MRPL52: variants seen among roughly 807,000 people sequenced by gnomAD.
MRPL52 encodes the protein large ribosomal subunit protein mL52.
In MRPL52, 19 loss-of-function variants were observed where a neutral mutation model predicts 22.1. The ratio of observed to expected loss-of-function variants is 0.86; its 90% CI spans 0.60 to 1.26. The LOEUF (loss-of-function observed/expected upper bound fraction) is 1.26. Among genes scored for constraint, MRPL52 ranks in the 50% most tolerant of loss-of-function variants. The pLI is 0.00. For synonymous variants in MRPL52, 50 were observed against 57.5 expected (o/e 0.87, Z 0.59); for missense variants, 152 against 148.1 (o/e 1.03, Z -0.14).
Position 22,834,919 on chromosome 14 carries a change from GA to G in MRPL52, c.*600del, listed in dbSNP as rs1050828746. ...CAACTATGAGAAATAGCTGTTCTGT[GA>G]ACGTGAAAAGGGGACAGCAGTTTTC... On this transcript the variant is annotated 3_prime_UTR_variant, in exon 5 of 5. Coordinates refer to ENST00000397496, the MANE Select transcript of MRPL52 (RefSeq NM_180982.3). 1 of 152,224 alleles carries G rather than the reference GA, an allele frequency of 6.6e-6. No homozygotes were observed. The highest frequency in any genetic ancestry group is 2.4e-5 in the African/African-American group (1 of 41,434). 9.4% of individuals were successfully genotyped at this position (152,224 alleles called of 1,614,324 possible).
chr14:22,834,395 A>G lies in MRPL52; in HGVS notation c.*74A>G. 1 of 1,482,800 alleles carries G rather than the reference A, an allele frequency of 6.7e-7. No homozygotes were observed. The highest frequency in any genetic ancestry group is 1.4e-5 in the African/African-American group (1 of 70,706). 91.9% of individuals were successfully genotyped at this position (1,482,800 alleles called of 1,614,324 possible). On this transcript the variant is annotated 3_prime_UTR_variant, in exon 5 of 5. Coordinates refer to ENST00000397496, the MANE Select transcript of MRPL52 (RefSeq NM_180982.3). ...TATCACCTAGATGCTTCATCCAGCCAGAAGATAGCCTTCACGTTCCCCATC... is the reference window on the plus strand; with the variant it reads ...TATCACCTAGATGCTTCATCCAGCCGGAAGATAGCCTTCACGTTCCCCATC...
intron 3 of MRPL52, chr14:22,831,070 G>T: frequency 1.3e-6 from 1 of 765,676 alleles, no homozygotes; most frequent in South Asian, 1.5e-5. Context: ...GTAGTAGTAT[G>T]GACTATTGGA....
intron 3 of MRPL52, chr14:22,830,739 G>T: frequency 2.1e-6 from 1 of 465,822 alleles, no homozygotes; most frequent in East Asian, 3.6e-5. Flanking sequence ...AGAGAGGGAG[G>T]GAGAATAAAT....
intron 3 of MRPL52, among the ~76,000 whole-genome samples, chr14:22,832,482 A>G (rs2039643268): frequency 6.6e-6 from 1 of 151,930 alleles, no homozygotes; most frequent in Non-Finnish European, 1.5e-5. Context: ...TTGAGACTAC[A>G]GGCGCCCACC....
At chr14:22,832,618 G>T (rs111869888) in intron 3 of MRPL52, among the ~76,000 whole-genome samples, 16,560 of 152,110 alleles carry the variant, frequency 0.11, 1,013 homozygotes, top group East Asian at 0.21. Flanking sequence ...GGGATCACAG[G>T]TGTGAGCCAC....
At chr14:22,834,089 CCT>C in intron 4 of MRPL52, 81 bp from the exon 5 acceptor site, 1 of 1,467,248 alleles carries the variant, frequency 6.8e-7, no homozygotes, top group Admixed American at 2.2e-5. Flanking sequence ...CCAGATGAAA[CCT>C]CTGAATTTGT....
intron 4 of MRPL52, 24 bp from the exon 5 acceptor site, chr14:22,834,148 A>G (rs756839477): frequency 6.2e-7 from 1 of 1,612,374 alleles, no homozygotes; most frequent in Non-Finnish European, 8.5e-7. Flanking sequence ...GATGTTATCC[A>G]CACTGTTTTC....
chr14:22,830,027 C>G, intron 1 of MRPL52, 26 bp from the exon 2 acceptor site: 1 of 1,613,916 alleles, frequency 6.2e-7, no homozygotes, highest in Non-Finnish European at 8.5e-7. Context: ...GGCCTCTCCC[C>G]CAACTCTGCT....
chr14:22,830,087 G>C lies in MRPL52; in HGVS notation c.63G>C (p.Trp21Cys). ...GGCTGCACTGCAGCGTAGCCGCTTGGGCGGGCGGCCAGTGGCGACTACAGT... is the reference window on the plus strand; with the variant it reads ...GGCTGCACTGCAGCGTAGCCGCTTGCGCGGGCGGCCAGTGGCGACTACAGT... ...VRRLHCSVAA[W>C]AGGQWRLQQG... is the part of the protein sequence containing the mutation. The change falls in exon 2 of 5, where the codon TGG becomes TGC. Residue 21 changes from tryptophan (W) to cysteine (C), a missense_variant. Physicochemically the swap from Trp to Cys is radical, Grantham distance 215. Transcript: ENST00000397496. The C allele has an allele frequency of 6.2e-7, 1 of 1,613,972 alleles. No individual in the cohort carries two copies. The highest frequency in any genetic ancestry group is 8.5e-7 in the Non-Finnish European group (1 of 1,179,816).
intron 3 of MRPL52, chr14:22,831,059 T>G (rs2039599682): frequency 1.4e-6 from 2 of 1,387,810 alleles, no homozygotes; most frequent in Admixed American, 2.0e-5. Flanking sequence ...GGCATCTCCT[T>G]GTAGTAGTAT....
Position 22,834,399 on chromosome 14 carries a change from G to A in MRPL52, c.*78G>A. On this transcript the variant is annotated 3_prime_UTR_variant, in exon 5 of 5. Coordinates refer to ENST00000397496, the MANE Select transcript of MRPL52 (RefSeq NM_180982.3). ...ACCTAGATGCTTCATCCAGCCAGAA[G>A]ATAGCCTTCACGTTCCCCATCTGTC... The A allele has an allele frequency of 6.8e-7, 1 of 1,469,638 alleles. No individual in the cohort carries two copies. Among genetic ancestry groups the A allele is most frequent in the Non-Finnish European group, 9.1e-7 (1 of 1,100,562 alleles). The allele number at this position is 1,469,638 out of a possible 1,614,324, so 91.0% of individuals were successfully genotyped here. A position where few individuals can be genotyped will look rare whatever the true frequency, so the allele number is the denominator to read the frequency against.
At chr14:22,832,044 T>G (rs1221943050) in intron 3 of MRPL52, 1 of 152,168 alleles carries the variant, frequency 6.6e-6, no homozygotes, top group Non-Finnish European at 1.5e-5. Flanking sequence ...ACTCTGCGCC[T>G]TTCCAAAAGG....
At chr14:22,832,751 C>T (rs983727879) in intron 3 of MRPL52, among the ~76,000 whole-genome samples, 14 of 152,066 alleles carry the variant, frequency 9.2e-5, no homozygotes, top group Non-Finnish European at 1.5e-5. Flanking sequence ...TGGTGGTGCG[C>T]ACCTGTAATC....
In MRPL52 at chr14:22,834,847, C is replaced by CAAA; in HGVS notation, c.*539_*541dup. ...TGGGCGACAGGGCGAGACTCCGTCT[C>CAAA]AAAAAAAAAAAAAAATTTACCTCCT... On this transcript the variant is annotated 3_prime_UTR_variant, in exon 5 of 5. Transcript: ENST00000397496. 1 of 138,010 alleles carries CAAA rather than the reference C, an allele frequency of 7.2e-6. No individual in the cohort carries two copies. Among genetic ancestry groups the CAAA allele is most frequent in the Non-Finnish European group, 1.6e-5 (1 of 63,146 alleles). The allele number at this position is 138,010 out of a possible 1,614,324, so 8.5% of individuals were successfully genotyped here.
intron 3 of MRPL52, chr14:22,831,182 C>G: frequency 1.9e-6 from 1 of 522,830 alleles, no homozygotes; most frequent in Admixed American, 4.2e-5. Context: ...GCATGATCAT[C>G]GCTCACTGCA....
chr14:22,830,309 C>T (rs1181039473), intron 3 of MRPL52, 55 bp downstream of exon 3: 36 of 1,582,320 alleles, frequency 2.3e-5, no homozygotes, highest in Non-Finnish European at 3.0e-5. Flanking sequence ...CTAGAGGGAA[C>T]GCCCCTGGAC....
intron 3 of MRPL52, chr14:22,830,599 G>T: frequency 2.4e-6 from 1 of 409,716 alleles, no homozygotes; most frequent in Non-Finnish European, 4.4e-6. Flanking sequence ...TGAATTTTCA[G>T]TATTTGGTAC....
chr14:22,833,556 T>G lies in MRPL52; in HGVS notation c.219+74T>G, dbSNP rs112069062. 10 of 1,112,722 alleles carry G rather than the reference T, an allele frequency of 9.0e-6. No homozygotes were observed. The South Asian group carries it at 1.0e-4, about 11-fold the overall frequency. The allele number at this position is 1,112,722 out of a possible 1,614,324, so 68.9% of individuals were successfully genotyped here. On this transcript the variant is annotated intron_variant, in intron 4 of 4. Coordinates refer to ENST00000397496, the MANE Select transcript of MRPL52 (RefSeq NM_180982.3). ...AATCATAATTTGTCTTGAGCTGTGTTGCACCTAAGCAAACATGTACCCCTC... is the reference window on the plus strand; with the variant it reads ...AATCATAATTTGTCTTGAGCTGTGTGGCACCTAAGCAAACATGTACCCCTC...
chr14:22,833,274 ATT>A, intron 3 of MRPL52, 142 bp from the exon 4 acceptor site: 1 of 628,900 alleles, frequency 1.6e-6, no homozygotes, highest in Non-Finnish European at 2.9e-6. Flanking sequence ...TGATGGACAT[ATT>A]TTAGGATAAT....
Sources: allele counts gnomAD v4.1 joint callset (sites outside exome capture counted in the v4.1 genomes callset), GRCh38; gene constraint gnomAD v4.1.1; transcripts MANE v1.5; gene names NCBI Gene and HGNC (gene_info 2026-07-23, HGNC 2026-07-21).